The following IL12B variants were observed in gnomAD, a reference collection of about 807,000 sequenced individuals.
IL12B encodes interleukin 12B.
IL12B carries 27 observed loss-of-function variants against 39.2 expected under a neutral mutation model. The ratio of observed to expected loss-of-function variants is 0.69; its 90% CI spans 0.51 to 0.95. The LOEUF (loss-of-function observed/expected upper bound fraction) is 0.95. IL12B is among the 40% of genes least tolerant of loss of function. IL12B has a pLI of 0.00. For missense variants in IL12B, 351 were observed against 397.6 expected, an observed-to-expected ratio of 0.88 and a Z score of 1.00; for synonymous variants, 142 against 152.1, an observed-to-expected ratio of 0.93 and a Z score of 0.49.
intron 6 of IL12B, 88 bp from the exon 7 acceptor site, chr5:159,316,904 A>G: frequency 2.0e-6 from 3 of 1,468,240 alleles, no homozygotes; most frequent in Non-Finnish European, 2.9e-6. Flanking sequence ...ATACTCTCCC[A>G]AAACAAGCCC....
Position 159,323,083 on chromosome 5 carries a change from C to A in IL12B, c.335G>T (p.Trp112Leu), listed in dbSNP as rs1562113473. 6.2e-7 allele frequency: 1 copy of A among 1,614,050 alleles called. No individual in the cohort carries two copies. The highest frequency in any genetic ancestry group is 8.5e-7 in the Non-Finnish European group (1 of 1,180,000). The change falls in exon 3 of 8, where the codon TGG (tryptophan) becomes TTG (leucine). Residue 112 changes from tryptophan (W) to leucine (L), a missense_variant. Transcript: ENST00000231228. ...LLLHKKEDGIWSTDILKDQKE... is the reference protein window; with the variant it reads ...LLLHKKEDGILSTDILKDQKE... ...CTGGTCCTTTAAAATATCAGTGGAC[C>A]AAATTCCATCTTCCTTTTTGTGAAG...
At chr5:159,329,221 A>G (rs1754239205) in intron 1 of IL12B, among the ~76,000 whole-genome samples, 1 of 152,162 alleles carries the variant, frequency 6.6e-6, no homozygotes, top group South Asian at 2.1e-4. Flanking sequence ...GGGAGTTATT[A>G]TTAAAGAATA....
intron 2 of IL12B, among the ~76,000 whole-genome samples, chr5:159,324,684 C>T (rs1754157883): frequency 6.6e-6 from 1 of 152,172 alleles, no homozygotes; most frequent in Non-Finnish European, 1.5e-5. Context: ...CTACTGTAAG[C>T]CTCAGTGTCA....
chr5:159,329,343 G>A (rs1278415491), intron 1 of IL12B, among the ~76,000 whole-genome samples: 2 of 152,182 alleles, frequency 1.3e-5, no homozygotes, highest in African/African-American at 4.8e-5. Flanking sequence ...GCCCCTTTAA[G>A]CCCCACACTC....
chr5:159,321,347 TTA>T lies in IL12B; in HGVS notation c.483-829_483-828del, dbSNP rs530647543. On this transcript the variant is annotated intron_variant, in intron 4 of 7. Transcript: ENST00000231228. ...TATTCAAGATAATTGTATACACATT[TTA>T]TATATATATATATATATACACACAC... is the stretch of plus-strand genomic sequence containing the variant. Among the ~76,000 whole-genome samples the T allele has an allele frequency of 2.2e-3, 322 of 146,312 alleles. 1 individual carries two copies. Among genetic ancestry groups the T allele is most frequent in the East Asian group, 0.011 (53 of 5,046 alleles).
At chr5:159,319,077 G>C (rs551633381) in intron 5 of IL12B, among the ~76,000 whole-genome samples, 184 bp from the exon 6 acceptor site, 1 of 152,272 alleles carries the variant, frequency 6.6e-6, no homozygotes, top group East Asian at 1.9e-4. Flanking sequence ...CTGGTGCCTC[G>C]GGAAGGCAGT....
chr5:159,328,256 C>T (rs1458442340), intron 1 of IL12B, among the ~76,000 whole-genome samples: 1 of 152,160 alleles, frequency 6.6e-6, no homozygotes, highest in African/African-American at 2.4e-5. Context: ...GCATGGCTAT[C>T]ACTTCAGTCT....
At chr5:159,328,933 T>G (rs1233042222) in intron 1 of IL12B, among the ~76,000 whole-genome samples, 4 of 152,198 alleles carry the variant, frequency 2.6e-5, no homozygotes, top group African/African-American at 9.6e-5. Flanking sequence ...CTCTGGCCCA[T>G]CAGCTGATAC....
At chr5:159,320,116 A>G (rs1322725103) in intron 5 of IL12B, among the ~76,000 whole-genome samples, 190 bp downstream of exon 5, 1 of 152,206 alleles carries the variant, frequency 6.6e-6, no homozygotes, top group East Asian at 1.9e-4. Context: ...CAAGTTGCTT[A>G]ACTTTTCTAA....
intron 3 of IL12B, among the ~76,000 whole-genome samples, chr5:159,322,760 A>G (rs1584754789): frequency 1.3e-5 from 2 of 152,334 alleles, no homozygotes; most frequent in Admixed American, 1.3e-4. Flanking sequence ...GTGATACACT[A>G]TCGGTTAATT....
At chr5:159,317,671 A>G (rs1754011909) in intron 6 of IL12B, among the ~76,000 whole-genome samples, 2 of 152,244 alleles carry the variant, frequency 1.3e-5, no homozygotes, top group South Asian at 2.1e-4. Flanking sequence ...TGGGAAGCCA[A>G]TATCTTAGCC....
At chr5:159,329,146 C>T (rs1156883616) in intron 1 of IL12B, among the ~76,000 whole-genome samples, 2 of 152,232 alleles carry the variant, frequency 1.3e-5, no homozygotes, top group African/African-American at 2.4e-5. Context: ...CCAACATCAG[C>T]ATGCCAATGA....
At chr5:159,317,614 T>G (rs1754010036) in intron 6 of IL12B, among the ~76,000 whole-genome samples, 1 of 152,224 alleles carries the variant, frequency 6.6e-6, no homozygotes, top group Admixed American at 6.5e-5. Context: ...AAAGGGCCTC[T>G]GGAACCTTGC....
Position 159,315,540 on chromosome 5 carries a change from T to G in IL12B, c.*561A>C, listed in dbSNP as rs1394668006. 1 of 152,650 alleles carries G rather than the reference T, an allele frequency of 6.6e-6. No individual in the cohort carries two copies. The highest frequency in any genetic ancestry group is 1.5e-5 in the Non-Finnish European group (1 of 68,044). 9.5% of individuals were successfully genotyped at this position (152,650 alleles called of 1,614,324 possible). ...GTCTTCACAGACATGGGAACTAGCA[T>G]CTTGTTCTCCTGGATCTTCTCAACA... On this transcript the variant is annotated 3_prime_UTR_variant, in exon 8 of 8. Transcript: ENST00000231228.
At chr5:159,319,472 A>C (rs575472850) in intron 5 of IL12B, among the ~76,000 whole-genome samples, 27 of 152,362 alleles carry the variant, frequency 1.8e-4, no homozygotes, top group Admixed American at 1.8e-3. Context: ...AGGATACAGC[A>C]GTGAGTTTCA....
chr5:159,321,365 A>ATATG (rs1247748751), intron 4 of IL12B, among the ~76,000 whole-genome samples: 16 of 83,610 alleles, frequency 1.9e-4, no homozygotes, highest in Admixed American at 1.0e-3. Flanking sequence ...ATATATATAT[A>ATATG]TACACACACA....
chr5:159,316,791 G>T lies in IL12B; in HGVS notation c.881C>A (p.Thr294Asn), dbSNP rs757678113. ...EKKDRVFTDK[T>N]SATVICRKNA... is the part of the protein sequence containing the mutation. ...TTTGCGGCAGATGACCGTGGCTGAG[G>T]TCTTGTCCGTGAAGACTCTATCTTT... The change falls in exon 7 of 8, where the codon ACC becomes AAC. Residue 294 changes from threonine (T) to asparagine (N), a missense_variant. Physicochemically the swap from Thr to Asn is moderately conservative, Grantham distance 65. Coordinates refer to ENST00000231228, the MANE Select transcript of IL12B (RefSeq NM_002187.3). 1 of 1,614,080 alleles carries T rather than the reference G, an allele frequency of 6.2e-7. No homozygotes were observed. Among genetic ancestry groups the T allele is most frequent in the Non-Finnish European group, 8.5e-7 (1 of 1,180,040 alleles).
chr5:159,316,592 C>T, intron 7 of IL12B, 93 bp downstream of exon 7: 2 of 1,374,704 alleles, frequency 1.5e-6, no homozygotes, highest in Non-Finnish European at 2.0e-6. Context: ...CCACTCCATC[C>T]CCCTTTCCTC....
At chr5:159,322,349 A>G in intron 4 of IL12B, 45 bp downstream of exon 4, 1 of 1,205,092 alleles carries the variant, frequency 8.3e-7, no homozygotes. Context: ...TTCTTAATGA[A>G]ATAGTTCTAG....
Sources: gnomAD v4.1 joint callset for allele counts (sites outside exome capture counted in the v4.1 genomes callset) on GRCh38, gnomAD v4.1.1 for gene constraint, MANE v1.5 for transcripts, NCBI Gene and HGNC (gene_info 2026-07-23, HGNC 2026-07-21) for gene names.